The following MLC1 variants were observed in gnomAD, a reference collection of about 807,000 sequenced individuals.
MLC1 encodes the protein modulator of VRAC current 1.
Under a neutral mutation model 44.7 loss-of-function variants are expected in MLC1, and 32 were observed. That is an observed-to-expected ratio of 0.72 (90% CI 0.54 to 0.96). The LOEUF (loss-of-function observed/expected upper bound fraction) is 0.96. Among genes scored for constraint, MLC1 ranks in the 40% least tolerant of loss-of-function variants. MLC1 has a pLI of 0.00. For missense variants in MLC1, 459 were observed against 492.2 expected, an observed-to-expected ratio of 0.93 and a Z score of 0.64; for synonymous variants, 190 against 213.0, an observed-to-expected ratio of 0.89 and a Z score of 0.94.
In MLC1 at chr22:50,059,477, C is replaced by T. The variant is rs965038005; in HGVS notation, c.*2106G>A. ...ACAGTTCTTTTAAACCCCATTTTTC[C>T]GGATTTTTTAAGCGCTCTAAAATAA... is the stretch of plus-strand genomic sequence containing the variant. On this transcript the variant is annotated 3_prime_UTR_variant, in exon 12 of 12. Coordinates refer to ENST00000311597, the MANE Select transcript of MLC1 (RefSeq NM_015166.4). The T allele has an allele frequency of 2.6e-5, 4 of 152,326 alleles. No individual in the cohort carries two copies. Among genetic ancestry groups the T allele is most frequent in the African/African-American group, 7.2e-5 (3 of 41,444 alleles). The allele number at this position is 152,326 out of a possible 1,614,324, so 9.4% of individuals were successfully genotyped here. A position where few individuals can be genotyped will look rare whatever the true frequency, so the allele number is the denominator to read the frequency against.
At chr22:50,084,638 C>G in intron 2 of MLC1, 88 bp downstream of exon 2, 1 of 1,433,792 alleles carries the variant, frequency 7.0e-7, no homozygotes, top group East Asian at 2.3e-5. Flanking sequence ...CTCTCTCTGT[C>G]CCACCTGGGG....
At chr22:50,072,777 C>G (rs1384646822) in intron 8 of MLC1, 1 of 152,472 alleles carries the variant, frequency 6.6e-6, no homozygotes, top group African/African-American at 2.4e-5. Flanking sequence ...CACAGACCCG[C>G]TTGGGTGGGC....
chr22:50,076,558 A>G (rs1376140251), intron 7 of MLC1, among the ~76,000 whole-genome samples: 1 of 152,132 alleles, frequency 6.6e-6, no homozygotes, highest in Non-Finnish European at 1.5e-5. Context: ...CCGTCTCAAA[A>G]AAAAAAAAAA....
chr22:50,061,521 G>T lies in MLC1; in HGVS notation c.*62C>A. The stretch of plus-strand genomic sequence containing the variant: ...AAGCAGTAGCTCAGGGCGATTAGGG[G>T]TTGTGCGTTTCCATGCTTGGGGCCA... On this transcript the variant is annotated 3_prime_UTR_variant, in exon 12 of 12. Transcript: ENST00000311597. 2 of 1,516,024 alleles carry T rather than the reference G, an allele frequency of 1.3e-6. No homozygotes were observed. Among genetic ancestry groups the T allele is most frequent in the Non-Finnish European group, 9.1e-7 (1 of 1,094,774 alleles). 93.9% of individuals were successfully genotyped at this position (1,516,024 alleles called of 1,614,324 possible).
In MLC1 at chr22:50,083,512, G is replaced by A. The variant is rs1007999181; in HGVS notation, c.178-339C>T. Among the ~76,000 whole-genome samples, 4 of 152,190 alleles carry A rather than the reference G, an allele frequency of 2.6e-5. No individual in the cohort carries two copies. The East Asian group carries it at 5.8e-4, about 22-fold the overall frequency. ...ATACTCCTGCCCCAACATGTTGTGCGTGCAGTCTTCCAGATCCCACACCCA... is the reference window on the plus strand; with the variant it reads ...ATACTCCTGCCCCAACATGTTGTGCATGCAGTCTTCCAGATCCCACACCCA... On this transcript the variant is annotated intron_variant, in intron 2 of 11. Coordinates refer to ENST00000311597, the MANE Select transcript of MLC1 (RefSeq NM_015166.4). This position sits in a 1 kb window ranked among gnomAD's most constrained non-coding sequence, Gnocchi z 4.6.
chr22:50,084,575 C>T (rs2062233428), intron 2 of MLC1, 151 bp downstream of exon 2: 3 of 872,566 alleles, frequency 3.4e-6, no homozygotes, highest in Non-Finnish European at 3.8e-6. Context: ...ACAAGCAAAA[C>T]AAGCTCGTCG....
At chr22:50,065,205 C>T (rs1181753918) in intron 10 of MLC1, among the ~76,000 whole-genome samples, 1 of 152,158 alleles carries the variant, frequency 6.6e-6, no homozygotes, top group East Asian at 1.9e-4. Flanking sequence ...AGGCATGTGC[C>T]ACTACGCCCG....
intron 2 of MLC1, among the ~76,000 whole-genome samples, chr22:50,084,521 G>C (rs1400110591): frequency 6.6e-6 from 1 of 152,224 alleles, no homozygotes; most frequent in Non-Finnish European, 1.5e-5. Context: ...GCTCAAGGCT[G>C]GCACAACAGA....
At chr22:50,080,534 G>A (rs1478302858) in intron 3 of MLC1, 137 bp from the exon 4 acceptor site, 10 of 972,938 alleles carry the variant, frequency 1.0e-5, no homozygotes, top group Admixed American at 8.0e-5. Flanking sequence ...CAACACAGTG[G>A]GTTGGCTTGA....
chr22:50,082,403 T>C (rs2062168843), intron 3 of MLC1, among the ~76,000 whole-genome samples: 1 of 152,168 alleles, frequency 6.6e-6, no homozygotes, highest in Non-Finnish European at 1.5e-5. Flanking sequence ...TGAGGATCAG[T>C]GGGTGCCTCC....
intron 11 of MLC1, among the ~76,000 whole-genome samples, chr22:50,062,925 A>C (rs1197975854): frequency 6.6e-6 from 1 of 152,166 alleles, no homozygotes; most frequent in Non-Finnish European, 1.5e-5. Flanking sequence ...GCCCGGGGGA[A>C]CATTGTTCAG....
chr22:50,061,498 G>T lies in MLC1; in HGVS notation c.*85C>A. 1 of 1,380,780 alleles carries T rather than the reference G, an allele frequency of 7.2e-7. No homozygotes were observed. Among genetic ancestry groups the T allele is most frequent in the Non-Finnish European group, 1.0e-6 (1 of 975,298 alleles). 85.5% of individuals were successfully genotyped at this position (1,380,780 alleles called of 1,614,324 possible). A position where few individuals can be genotyped will look rare whatever the true frequency, so the allele number is the denominator to read the frequency against. On this transcript the variant is annotated 3_prime_UTR_variant, in exon 12 of 12. Coordinates refer to ENST00000311597, the MANE Select transcript of MLC1 (RefSeq NM_015166.4). The stretch of plus-strand genomic sequence containing the variant: ...ACACAAGGGAAAAGAGGTGTTAGAA[G>T]CAGTAGCTCAGGGCGATTAGGGGTT...
chr22:50,066,653 C>G (rs2061708649), intron 10 of MLC1, among the ~76,000 whole-genome samples: 3 of 146,120 alleles, frequency 2.1e-5, no homozygotes, highest in African/African-American at 7.5e-5. Flanking sequence ...GAGTGAGACT[C>G]TATCTTAAAA....
At chr22:50,065,461 G>A (rs1188398526) in intron 10 of MLC1, among the ~76,000 whole-genome samples, 1 of 152,048 alleles carries the variant, frequency 6.6e-6, no homozygotes, top group Non-Finnish European at 1.5e-5. Flanking sequence ...ACAACAAGCA[G>A]AACAAGAAAT....
chr22:50,083,717 C>A lies in MLC1; in HGVS notation c.178-544G>T, dbSNP rs1044119176. 1.3e-5 allele frequency among the ~76,000 whole-genome samples: 2 copies of A among 151,906 alleles called. No homozygotes were observed. Among genetic ancestry groups the A allele is most frequent in the African/African-American group, 2.4e-5 (1 of 41,338 alleles). On this transcript the variant is annotated intron_variant, in intron 2 of 11. Transcript: ENST00000311597. The surrounding 1 kb of genome is among the most constrained non-coding windows in gnomAD (Gnocchi z 4.6). ...TCTCACGCACAGCACTGCAGGGGTGCGGTGGGGAGGGGGCTCTCTCTCACG... is the reference window on the plus strand; with the variant it reads ...TCTCACGCACAGCACTGCAGGGGTGAGGTGGGGAGGGGGCTCTCTCTCACG...
chr22:50,076,291 A>C (rs1413086068), intron 7 of MLC1, among the ~76,000 whole-genome samples: 1 of 152,200 alleles, frequency 6.6e-6, no homozygotes, highest in African/African-American at 2.4e-5. Context: ...GCGGTGGCTC[A>C]CACCTGTAAT....
chr22:50,079,295 A>C (rs1211777009), intron 5 of MLC1, among the ~76,000 whole-genome samples: 2 of 151,810 alleles, frequency 1.3e-5, no homozygotes, highest in African/African-American at 2.4e-5. Flanking sequence ...AAAACAAAAC[A>C]AAACAAAACA....
At chr22:50,066,861 A>AG (rs386395712) in intron 10 of MLC1, among the ~76,000 whole-genome samples, 1 of 110,776 alleles carries the variant, frequency 9.0e-6, no homozygotes, top group Non-Finnish European at 2.0e-5. Context: ...ATACCATTTT[A>AG]AAAAGAAAAA....
intron 10 of MLC1, among the ~76,000 whole-genome samples, chr22:50,065,450 C>A (rs2061682589): frequency 2.6e-5 from 4 of 152,112 alleles, no homozygotes; most frequent in Admixed American, 2.6e-4. Context: ...TAACAAAAAT[C>A]ACAACAAGCA....
Sources: gnomAD v4.1 joint callset for allele counts (sites outside exome capture counted in the v4.1 genomes callset) on GRCh38, gnomAD v4.1.1 for gene constraint, Gnocchi (gnomAD v3.1) non-coding constraint, MANE v1.5 for transcripts, NCBI Gene and HGNC (gene_info 2026-07-23, HGNC 2026-07-21) for gene names.